The following SPATA6 variants were observed in gnomAD, a reference collection of about 807,000 sequenced individuals.
SPATA6 encodes spermatogenesis-associated protein 6.
In SPATA6, 56 loss-of-function variants were observed where a neutral mutation model predicts 65.3. The observed-to-expected ratio is 0.86, with a 90% CI of 0.69 to 1.07. The LOEUF is 1.07. Among genes scored for constraint, SPATA6 ranks in the 50% least tolerant of loss-of-function variants. The pLI is 0.00. For synonymous variants in SPATA6, 199 were observed against 213.2 expected (o/e 0.93, Z 0.58); for missense variants, 590 against 594.8 (o/e 0.99, Z 0.08).
intron 8 of SPATA6, among the ~76,000 whole-genome samples, chr1:48,386,909 A>G (rs147684388): frequency 1.3e-5 from 2 of 152,298 alleles, no homozygotes; most frequent in African/African-American, 4.8e-5. Flanking sequence ...TGCCCCCAGG[A>G]CTTAGAAACA....
At chr1:48,458,719 T>G (rs1009410110) in intron 1 of SPATA6, among the ~76,000 whole-genome samples, 2 of 152,188 alleles carry the variant, frequency 1.3e-5, no homozygotes, top group African/African-American at 4.8e-5. Context: ...ATTCCATTTA[T>G]AGAAATGTCC....
intron 11 of SPATA6, among the ~76,000 whole-genome samples, chr1:48,309,121 A>G (rs1467781914): frequency 6.6e-6 from 1 of 152,104 alleles, no homozygotes; most frequent in Non-Finnish European, 1.5e-5. Context: ...ATCCTACTTA[A>G]GAGTTTATTG....
chr1:48,307,818 C>T (rs1041678073), intron 11 of SPATA6, among the ~76,000 whole-genome samples: 42 of 151,650 alleles, frequency 2.8e-4, no homozygotes, highest in African/African-American at 9.4e-4. Context: ...GATGGTTTGG[C>T]CCTGTTGCCG....
the SPATA6 span, among the ~76,000 whole-genome samples, chr1:48,272,495 T>C: frequency 1.3e-5 from 2 of 152,304 alleles, no homozygotes; most frequent in Admixed American, 6.5e-5. Context: ...TCCATCCATG[T>C]AGTCACAAAT....
At chr1:48,282,878 G>A in the SPATA6 span, among the ~76,000 whole-genome samples, 3 of 152,178 alleles carry the variant, frequency 2.0e-5, no homozygotes, top group East Asian at 5.8e-4. Flanking sequence ...AAAGACACAT[G>A]CACACATACA....
At chr1:48,445,143 T>C (rs1246558750) in intron 3 of SPATA6, among the ~76,000 whole-genome samples, 1 of 152,240 alleles carries the variant, frequency 6.6e-6, no homozygotes, top group African/African-American at 2.4e-5. Context: ...TTTTCCTTAC[T>C]TGAAATTCTT....
intron 3 of SPATA6, among the ~76,000 whole-genome samples, chr1:48,428,883 GTGTGTGTGTT>G (rs1654133913): frequency 1.3e-5 from 2 of 150,316 alleles, no homozygotes; most frequent in African/African-American, 5.0e-5. Context: ...GTGTGTGTGT[GTGTGTGTGTT>G]TGTGTGTGTG....
chr1:48,461,436 T>C (rs1657423338), intron 1 of SPATA6, among the ~76,000 whole-genome samples: 2 of 152,098 alleles, frequency 1.3e-5, no homozygotes, highest in Admixed American at 6.6e-5. Context: ...TGAATGGTAA[T>C]GCCTAGGTTT....
intron 5 of SPATA6, among the ~76,000 whole-genome samples, chr1:48,411,195 T>C (rs543102821): frequency 1.3e-5 from 2 of 152,336 alleles, no homozygotes; most frequent in South Asian, 4.1e-4. Context: ...ATGGCACTTT[T>C]TATTAAATTA....
In SPATA6 at chr1:48,358,288, C is replaced by T. The variant is rs549789500; in HGVS notation, c.1094+1298G>A. ...ATACTGTACTAGAGTGGTAGGTTTA[C>T]AATTGGAGAGTTCTGCAAAATATGT... On this transcript the variant is annotated intron_variant, in intron 10 of 12. Transcript: ENST00000371847. 9.9e-5 allele frequency among the ~76,000 whole-genome samples: 15 copies of T among 151,678 alleles called. No individual in the cohort carries two copies. The South Asian group carries it at 3.1e-3, about 32-fold the overall frequency.
the SPATA6 span, among the ~76,000 whole-genome samples, chr1:48,278,862 T>C: frequency 2.0e-5 from 3 of 151,984 alleles, no homozygotes; most frequent in Non-Finnish European, 4.4e-5. Flanking sequence ...GAAGAGCAAC[T>C]CCAAGACACA....
At chr1:48,462,455 T>G (rs1260932748) in intron 1 of SPATA6, among the ~76,000 whole-genome samples, 1 of 151,970 alleles carries the variant, frequency 6.6e-6, no homozygotes, top group Non-Finnish European at 1.5e-5. Context: ...AATAAACAAA[T>G]AAATCCACAG....
At chr1:48,378,571 T>C (rs1435685356) in intron 9 of SPATA6, among the ~76,000 whole-genome samples, 4 of 152,130 alleles carry the variant, frequency 2.6e-5, no homozygotes, top group Admixed American at 6.5e-5. Flanking sequence ...AAGGCACTTC[T>C]TACATGATGG....
At chr1:48,468,849 GA>G (rs36010385) in intron 1 of SPATA6, among the ~76,000 whole-genome samples, 4 of 152,200 alleles carry the variant, frequency 2.6e-5, no homozygotes, top group Non-Finnish European at 5.9e-5. Context: ...GGGACAACCA[GA>G]AAAACTTGAA....
intron 5 of SPATA6, among the ~76,000 whole-genome samples, chr1:48,410,596 G>C (rs934009617): frequency 2.0e-5 from 3 of 152,188 alleles, no homozygotes; most frequent in African/African-American, 4.8e-5. Context: ...TCAGGAAAGA[G>C]GTTTAACTGA....
chr1:48,328,530 A>G (rs574201223), intron 11 of SPATA6, among the ~76,000 whole-genome samples: 1 of 152,304 alleles, frequency 6.6e-6, no homozygotes, highest in Non-Finnish European at 1.5e-5. Flanking sequence ...CATATGATTC[A>G]ATTTATATGA....
chr1:48,436,293 T>C, intron 3 of SPATA6: 2 of 1,613,632 alleles, frequency 1.2e-6, no homozygotes, highest in Non-Finnish European at 1.7e-6. Context: ...AAGCCGTGAT[T>C]CTATCCCACT....
rs187414012 is a variant in SPATA6, at chr1:48,306,059, A to G, written c.1195-181T>C. Reference sequence around the variant, plus strand: ...AAGTGATGATTTACTATCCTTTTCAACAAAACAATACAGTTTTATTATAGT... The same window carrying G: ...AAGTGATGATTTACTATCCTTTTCAGCAAAACAATACAGTTTTATTATAGT... On this transcript the variant is annotated intron_variant, in intron 11 of 12. Coordinates refer to ENST00000371847, the MANE Select transcript of SPATA6 (RefSeq NM_019073.4). Among the ~76,000 whole-genome samples the G allele has an allele frequency of 2.0e-5, 3 of 152,162 alleles. No homozygotes were observed. The East Asian group carries it at 5.8e-4, about 29-fold the overall frequency.
intron 1 of SPATA6, among the ~76,000 whole-genome samples, chr1:48,454,372 A>G (rs1453179653): frequency 6.6e-6 from 1 of 152,168 alleles, no homozygotes; most frequent in African/African-American, 2.4e-5. Flanking sequence ...CGTAAGGAGC[A>G]GTAACTCCTT....
Sources: gnomAD v4.1 joint callset for allele counts (sites outside exome capture counted in the v4.1 genomes callset) on GRCh38, gnomAD v4.1.1 for gene constraint, MANE v1.5 for transcripts, NCBI Gene and HGNC (gene_info 2026-07-23, HGNC 2026-07-21) for gene names.